The following HERC1 variants were observed in gnomAD, a reference collection of about 807,000 sequenced individuals.
HERC1 encodes HECT and RLD domain containing E3 ubiquitin protein ligase family member 1.
HERC1 carries 160 observed loss-of-function variants against 554.3 expected under a neutral mutation model. The observed-to-expected ratio is 0.29, with a 90% CI of 0.25 to 0.33. HERC1 has a LOEUF of 0.33. Ranked by LOEUF, HERC1 falls within the 10% of genes least tolerant of loss-of-function variation. HERC1 has a pLI of 1.00. For missense variants in HERC1, 4,919 were observed against 5,918.5 expected, an observed-to-expected ratio of 0.83 and a Z score of 5.54; for synonymous variants, 2,175 against 2,131.7, an observed-to-expected ratio of 1.02 and a Z score of -0.56.
At chr15:63,666,286 A>G (rs754743168) in intron 41 of HERC1, 70 bp downstream of exon 41, 68 of 1,393,536 alleles carry the variant, frequency 4.9e-5, no homozygotes, top group Non-Finnish European at 6.5e-5. Context: ...GCCTCTTAAA[A>G]GTTATGTTGT....
In HERC1 at chr15:63,624,443, T is replaced by C; in HGVS notation, c.13276-116A>G. ...TGGGCGCAGTGGCTCATGCCTGTAG[T>C]CCCAGCACTTTGGGAGGCTGTGGTG... On this transcript the variant is annotated intron_variant, in intron 71 of 77. Transcript: ENST00000443617. The C allele has an allele frequency of 2.2e-5, 19 of 877,020 alleles. No homozygotes were observed. The South Asian group carries it at 3.2e-4, about 15-fold the overall frequency. 54.3% of individuals were successfully genotyped at this position (877,020 alleles called of 1,614,324 possible). A position where few individuals can be genotyped will look rare whatever the true frequency, so the allele number is the denominator to read the frequency against.
chr15:63,694,975 C>A lies in HERC1; in HGVS notation c.5122-81G>T. ...AAAAAGAAGTAATAACATTTTATTT[C>A]TAGTCTATGCTAGAGCCTTACGATG... On this transcript the variant is annotated intron_variant, in intron 27 of 77. Transcript: ENST00000443617. This position sits in a 1 kb window ranked among gnomAD's most constrained non-coding sequence, Gnocchi z 4.3. 1 of 1,246,000 alleles carries A rather than the reference C, an allele frequency of 8.0e-7. No individual in the cohort carries two copies. Among genetic ancestry groups the A allele is most frequent in the Non-Finnish European group, 1.1e-6 (1 of 898,542 alleles). 77.2% of individuals were successfully genotyped at this position (1,246,000 alleles called of 1,614,324 possible). A position where few individuals can be genotyped will look rare whatever the true frequency, so the allele number is the denominator to read the frequency against.
At chr15:63,617,129 T>C (rs1175157509) in intron 74 of HERC1, among the ~76,000 whole-genome samples, 2 of 152,204 alleles carry the variant, frequency 1.3e-5, no homozygotes, top group Non-Finnish European at 2.9e-5. Context: ...CATTTAACAT[T>C]AGGTATATCT....
intron 1 of HERC1, among the ~76,000 whole-genome samples, chr15:63,812,039 C>G (rs2077338907): frequency 6.6e-6 from 1 of 152,142 alleles, no homozygotes. Flanking sequence ...GAATCCATCT[C>G]TATAAATTTA....
At position 63,692,279 on chromosome 15, in the gene HERC1, G is replaced by A. The variant is rs2072155548; in HGVS notation, c.5830+132C>T. 4.8e-6 allele frequency: 3 copies of A among 619,448 alleles called. No individual in the cohort carries two copies. The highest frequency in any genetic ancestry group is 6.9e-5 in the Admixed American group (2 of 29,052). 38.4% of individuals were successfully genotyped at this position (619,448 alleles called of 1,614,324 possible). A position where few individuals can be genotyped will look rare whatever the true frequency, so the allele number is the denominator to read the frequency against. The stretch of plus-strand genomic sequence containing the variant: ...TTAGAGTTTTCTTTTGATCAAATAG[G>A]TACGCAGAAAATAAGAAAGAAAAGC... On this transcript the variant is annotated intron_variant, in intron 31 of 77. Transcript: ENST00000443617. This position sits in a 1 kb window ranked among gnomAD's most constrained non-coding sequence, Gnocchi z 4.7.
chr15:63,655,900 T>A lies in HERC1; in HGVS notation c.9926A>T (p.Gln3309Leu). Residue 3309 changes from glutamine to leucine, a missense_variant, in exon 50 of 78, where the codon CAG (glutamine) becomes CTG (leucine). Around this residue, in one of 11 missense-constraint regions of HERC1, gnomAD observed 1,963 missense variants for 2,228.6 expected, o/e 0.88. Transcript: ENST00000443617. ...GAGAAAGCTGGGTAGAAACTTTCGC[T>A]GAATTGAGTCATCAACTGTGGTTAG... Reference protein sequence around the residue: ...VNLTTVDDSIQRKFLPSFLRG... With the variant: ...VNLTTVDDSILRKFLPSFLRG... 1 of 1,613,022 alleles carries A rather than the reference T, an allele frequency of 6.2e-7. No homozygotes were observed.
chr15:63,678,136 G>A lies in HERC1; in HGVS notation c.6779C>T (p.Ser2260Leu), dbSNP rs200084879. The change falls in exon 37 of 78, where the codon TCG becomes TTG. Residue 2260 changes from serine to leucine, a missense_variant. Physicochemically the swap from Ser to Leu is moderately radical, Grantham distance 145. Coordinates refer to ENST00000443617, the MANE Select transcript of HERC1 (RefSeq NM_003922.4). ...TTCATTTTCCTCTCGGCTCTGAACC[G>A]AGCGGCTTTTCTTTAGCTTCTGACC... Reference protein sequence around the residue: ...ESGQKLKKSRSVQSREENEMR... With the variant: ...ESGQKLKKSRLVQSREENEMR... The A allele has an allele frequency of 1.9e-5, 30 of 1,613,706 alleles. No individual in the cohort carries two copies. Among genetic ancestry groups the A allele is most frequent in the East Asian group, 2.2e-5 (1 of 44,890 alleles).
At chr15:63,787,981 A>T (rs1161560732) in intron 1 of HERC1, among the ~76,000 whole-genome samples, 2 of 150,462 alleles carry the variant, frequency 1.3e-5, no homozygotes, top group Non-Finnish European at 3.0e-5. Flanking sequence ...AAAAAAAAAA[A>T]AGACAAAACA....
At chr15:63,690,089 G>A (rs1009714324) in intron 32 of HERC1, among the ~76,000 whole-genome samples, 1 of 151,564 alleles carries the variant, frequency 6.6e-6, no homozygotes, top group African/African-American at 2.4e-5. Context: ...CTTGAACCCA[G>A]GAGGCGGAGG....
chr15:63,763,675 A>G (rs925818948), intron 3 of HERC1, among the ~76,000 whole-genome samples: 1 of 152,150 alleles, frequency 6.6e-6, no homozygotes, highest in Non-Finnish European at 1.5e-5. Context: ...CAAAGTCACA[A>G]TAGTGGTTAC....
intron 51 of HERC1, 100 bp downstream of exon 51, chr15:63,654,019 A>G (rs2152901700): frequency 1.2e-6 from 1 of 858,096 alleles, no homozygotes; most frequent in East Asian, 2.4e-5. Flanking sequence ...AAAGAGAGTG[A>G]CACAAAGAGA....
chr15:63,664,680 C>T, intron 42 of HERC1, 86 bp from the exon 43 acceptor site: 1 of 1,117,518 alleles, frequency 8.9e-7, no homozygotes, highest in South Asian at 1.6e-5. Context: ...TGTAGTACTA[C>T]TTTATTCTCA....
chr15:63,785,845 C>T (rs563211778), intron 1 of HERC1, among the ~76,000 whole-genome samples: 1 of 152,196 alleles, frequency 6.6e-6, no homozygotes, highest in Non-Finnish European at 1.5e-5. Context: ...TCAAAAACAA[C>T]AGGATTGATA....
chr15:63,615,593 G>A (rs368022123), intron 76 of HERC1, among the ~76,000 whole-genome samples, 175 bp downstream of exon 76: 1 of 152,246 alleles, frequency 6.6e-6, no homozygotes, highest in Non-Finnish European at 1.5e-5. Flanking sequence ...CTAGGCGACA[G>A]AGTGAGGTGC....
chr15:63,696,052 A>G, intron 27 of HERC1, 72 bp downstream of exon 27: 2 of 1,125,588 alleles, frequency 1.8e-6, no homozygotes, highest in Non-Finnish European at 2.6e-6. Context: ...AAACACCAAA[A>G]AGTTTCACAT....
Position 63,758,207 on chromosome 15 carries a change from T to C in HERC1, c.1189A>G (p.Lys397Glu), listed in dbSNP as rs1275034704. Residue 397 changes from lysine (K) to glutamate (E), a missense_variant, in exon 4 of 78, where the codon AAA becomes GAA. Coordinates refer to ENST00000443617, the MANE Select transcript of HERC1 (RefSeq NM_003922.4). This position sits in a 1 kb window ranked among gnomAD's most constrained non-coding sequence, Gnocchi z 4.0. ...EGTQEKILQP[K>E]LAPSFSDAQT... ...GCATCAGAGAAACTAGGAGCCAGTT[T>C]GGGTTGCAGTATTTTCTCCTGTGTA... is the stretch of plus-strand genomic sequence containing the variant. 2.5e-6 allele frequency: 4 copies of C among 1,611,618 alleles called. No homozygotes were observed. The highest frequency in any genetic ancestry group is 3.4e-6 in the Non-Finnish European group (4 of 1,177,998).
rs1390268304 is a variant in HERC1 at position 63,774,927 on chromosome 15, T to G, written c.697A>C (p.Thr233Pro). 6.2e-7 allele frequency: 1 copy of G among 1,614,036 alleles called. No homozygotes were observed. The highest frequency in any genetic ancestry group is 8.5e-7 in the Non-Finnish European group (1 of 1,179,886). Residue 233 changes from threonine (T) to proline (P), a missense_variant, in exon 2 of 78, where the codon ACT becomes CCT. Physicochemically the swap from Thr to Pro is conservative, Grantham distance 38. Transcript: ENST00000443617. The part of the protein sequence containing the change: ...SQVTTFLKGV[T>P]IPNSGADTLG... The stretch of plus-strand genomic sequence containing the variant: ...GTGTCTGCCCCAGAATTAGGAATAG[T>G]GACTCCTTTAAGAAATGTTGTTACT...
chr15:63,794,464 G>C (rs565099027), intron 1 of HERC1, among the ~76,000 whole-genome samples: 1 of 152,050 alleles, frequency 6.6e-6, no homozygotes, highest in South Asian at 2.1e-4. Context: ...CCAGAGGTTG[G>C]GGATGGGGCT....
chr15:63,723,338 G>A lies in HERC1; in HGVS notation c.3586C>T (p.Leu1196=). 1.3e-6 allele frequency: 2 copies of A among 1,579,918 alleles called. No individual in the cohort carries two copies. The highest frequency in any genetic ancestry group is 1.2e-5 in the South Asian group (1 of 85,176). Residue 1196 remains leucine, a synonymous_variant, in exon 19 of 78, where the codon CTG becomes TTG. Coordinates refer to ENST00000443617, the MANE Select transcript of HERC1 (RefSeq NM_003922.4). ...TPQLDKCMSC[L]LEVALSGNEE... ...TTTCCAGAAAGTGCTACTTCTAACA[G>A]GCAACTCATACATTTATCTAAAAAA...
Sources: allele counts gnomAD v4.1 joint callset (sites outside exome capture counted in the v4.1 genomes callset), GRCh38; gene constraint gnomAD v4.1.1; regional missense constraint gnomAD v4.1.1; non-coding constraint Gnocchi (gnomAD v3.1); transcripts MANE v1.5; gene names NCBI Gene and HGNC (gene_info 2026-07-23, HGNC 2026-07-21).